GATA6: variants seen among roughly 807,000 people sequenced by gnomAD.
The protein encoded by GATA6 is GATA binding protein 6.
Under a neutral mutation model 48.1 loss-of-function variants are expected in GATA6, and 11 were observed. The ratio of observed to expected loss-of-function variants is 0.23; its 90% CI spans 0.14 to 0.38. The LOEUF is 0.38. Ranked by LOEUF, GATA6 falls within the 10% of genes least tolerant of loss-of-function variation. The pLI, the probability that GATA6 is intolerant of heterozygous loss-of-function variation, is 1.00. For missense variants in GATA6, 795 were observed against 850.3 expected (o/e 0.93, Z 0.81); for synonymous variants, 419 against 396.1 (o/e 1.06, Z -0.69).
At chr18:22,198,089 A>G (rs1439220096) in intron 6 of GATA6, among the ~76,000 whole-genome samples, 1 of 135,190 alleles carries the variant, frequency 7.4e-6, no homozygotes, top group Non-Finnish European at 1.6e-5. Flanking sequence ...TTTTTTTTTA[A>G]TTTTTACTTT....
At chr18:22,195,425 G>A (rs2033378379) in intron 6 of GATA6, among the ~76,000 whole-genome samples, 1 of 152,072 alleles carries the variant, frequency 6.6e-6, no homozygotes, top group South Asian at 2.1e-4. Context: ...TTGTGTTTCT[G>A]GTACTCATGT....
chr18:22,175,569 G>GT (rs1178082289), intron 2 of GATA6: 1 of 152,220 alleles, frequency 6.6e-6, no homozygotes, highest in Non-Finnish European at 1.5e-5. Flanking sequence ...GTGATGTGTT[G>GT]TAAGTTGCAG....
chr18:22,182,427 G>C (rs1320123485), intron 4 of GATA6, among the ~76,000 whole-genome samples: 1 of 150,706 alleles, frequency 6.6e-6, no homozygotes, highest in Non-Finnish European at 1.5e-5. Context: ...GTGCTATCTC[G>C]GCTCACTGCA....
chr18:22,187,763 G>GT (rs150361696), intron 6 of GATA6, among the ~76,000 whole-genome samples: 4 of 151,826 alleles, frequency 2.6e-5, no homozygotes, highest in African/African-American at 9.7e-5. Flanking sequence ...TAGATAAAAA[G>GT]TTTTTTTCTT....
Position 22,172,837 on chromosome 18 carries a change from C to G in GATA6, c.1135+558C>G, listed in dbSNP as rs1288074186. 6.6e-6 allele frequency among the ~76,000 whole-genome samples: 1 copy of G among 152,156 alleles called. No individual in the cohort carries two copies. Among genetic ancestry groups the G allele is most frequent in the Non-Finnish European group, 1.5e-5 (1 of 68,012 alleles). ...AGCACAACAGAAGAACCTAGATGTT[C>G]CTAGGGAAGCTAGTTGGCGTCTCCT... On this transcript the variant is annotated intron_variant, in intron 2 of 6. Coordinates refer to ENST00000269216, the MANE Select transcript of GATA6 (RefSeq NM_005257.6). The surrounding 1 kb of genome is among the most constrained non-coding windows in gnomAD (Gnocchi z 5.2).
At chr18:22,191,410 A>G (rs992287578) in intron 6 of GATA6, among the ~76,000 whole-genome samples, 32 of 151,352 alleles carry the variant, frequency 2.1e-4, no homozygotes, top group Admixed American at 9.9e-4. Flanking sequence ...GTCAGAAAAC[A>G]TGAAATAATG....
At chr18:22,183,086 TC>T in intron 6 of GATA6, 43 bp downstream of exon 6, 1 of 1,435,128 alleles carries the variant, frequency 7.0e-7, no homozygotes, top group Admixed American at 1.7e-5. Flanking sequence ...ACTGGGCTGC[TC>T]TCTAGTAAAT....
At chr18:22,188,147 T>C (rs2033286540) in intron 6 of GATA6, among the ~76,000 whole-genome samples, 1 of 152,222 alleles carries the variant, frequency 6.6e-6, no homozygotes, top group South Asian at 2.1e-4. Flanking sequence ...AATATAATAT[T>C]GAAATCATCA....
intron 6 of GATA6, among the ~76,000 whole-genome samples, chr18:22,197,542 C>T (rs1289980568): frequency 6.6e-6 from 1 of 152,190 alleles, no homozygotes; most frequent in East Asian, 1.9e-4. Context: ...GGCCAGGTGA[C>T]CACCTCTCTT....
chr18:22,187,717 C>T (rs1305016807), intron 6 of GATA6, among the ~76,000 whole-genome samples: 7 of 151,962 alleles, frequency 4.6e-5, no homozygotes, highest in African/African-American at 1.7e-4. Context: ...ATTTGTAAAA[C>T]TGGAGGATAC....
Position 22,172,396 on chromosome 18 carries a change from G to C in GATA6, c.1135+117G>C. 1 of 1,451,680 alleles carries C rather than the reference G, an allele frequency of 6.9e-7. No homozygotes were observed. Among genetic ancestry groups the C allele is most frequent in the Non-Finnish European group, 9.1e-7 (1 of 1,100,272 alleles). 89.9% of individuals were successfully genotyped at this position (1,451,680 alleles called of 1,614,324 possible). A position where few individuals can be genotyped will look rare whatever the true frequency, so the allele number is the denominator to read the frequency against. On this transcript the variant is annotated intron_variant, in intron 2 of 6. Transcript: ENST00000269216. This position sits in a 1 kb window ranked among gnomAD's most constrained non-coding sequence, Gnocchi z 5.2. ...CAGGACTTTCTCGTCCGGGTGCGCG[G>C]AGGTCGGCCTGGTCCCAGGAAGGAT...
At chr18:22,179,030 T>A (rs1598736776) in intron 3 of GATA6, among the ~76,000 whole-genome samples, 1 of 152,334 alleles carries the variant, frequency 6.6e-6, no homozygotes, top group East Asian at 1.9e-4. Context: ...TAGTGCCATT[T>A]GTTTTGTGCA....
In GATA6 at chr18:22,198,448, A is replaced by C. The variant is rs1176418228; in HGVS notation, c.1621-2208A>C. ...TCTTGGCACTTCCCTGCCATTTGAG[A>C]TGGGCTATTTCCTGGGCCAGTTCAG... On this transcript the variant is annotated intron_variant, in intron 6 of 6. Coordinates refer to ENST00000269216, the MANE Select transcript of GATA6 (RefSeq NM_005257.6). Among the ~76,000 whole-genome samples, 6 of 152,270 alleles carry C rather than the reference A, an allele frequency of 3.9e-5. No homozygotes were observed. The East Asian group carries it at 1.2e-3, about 29-fold the overall frequency.
rs746039582 is a variant in GATA6 at position 22,181,607 on chromosome 18, A to G, written c.1428+29A>G. 8 of 1,613,182 alleles carry G rather than the reference A, an allele frequency of 5.0e-6. No individual in the cohort carries two copies. The Admixed American group carries it at 1.3e-4, about 27-fold the overall frequency. On this transcript the variant is annotated intron_variant, in intron 4 of 6. Coordinates refer to ENST00000269216, the MANE Select transcript of GATA6 (RefSeq NM_005257.6). ...TGCCATGTATTCTGCTCACTTGTATATACATTTAGTATCTGGTTTGTATGT... is the reference window on the plus strand; with the variant it reads ...TGCCATGTATTCTGCTCACTTGTATGTACATTTAGTATCTGGTTTGTATGT...
Position 22,182,963 on chromosome 18 carries a change from A to G in GATA6, c.1540A>G (p.Met514Val). 1.2e-6 allele frequency: 2 copies of G among 1,614,070 alleles called. No individual in the cohort carries two copies. The highest frequency in any genetic ancestry group is 1.1e-5 in the South Asian group (1 of 91,084). Residue 514 changes from methionine (M) to valine (V), a missense_variant, in exon 6 of 7, where the codon ATG (methionine) becomes GTG (valine). Met to Val is a conservative substitution (Grantham distance 21). This residue lies in a region of GATA6 where 24 missense variants were observed against 43.6 expected (regional missense o/e 0.55). Coordinates refer to ENST00000269216, the MANE Select transcript of GATA6 (RefSeq NM_005257.6). The stretch of plus-strand genomic sequence containing the variant: ...AGGTAATAGCAATAATTCCATTCCC[A>G]TGACTCCAACTTCCACCTCTTCTAA... ...CSGNSNNSIP[M>V]TPTSTSSNSD...
intron 2 of GATA6, among the ~76,000 whole-genome samples, chr18:22,175,292 T>G (rs1454419256): frequency 3.9e-5 from 6 of 152,120 alleles, no homozygotes; most frequent in Non-Finnish European, 7.3e-5. Flanking sequence ...TTAATTAAAT[T>G]TTGTCTTTGG....
chr18:22,200,629 C>G, intron 6 of GATA6, 27 bp from the exon 7 acceptor site: 1 of 1,614,202 alleles, frequency 6.2e-7, no homozygotes, highest in Non-Finnish European at 8.5e-7. Context: ...CTTCTCGTCT[C>G]TCCTCTGTGT....
chr18:22,171,593 C>A lies in GATA6; in HGVS notation c.449C>A (p.Thr150Asn). ...GAGCAGCCGGAGGAGATGTACCAGA[C>A]CCTCGCCGCTCTCTCCAGCCAGGGT... ...APEQPEEMYQ[T>N]LAALSSQGPA... Residue 150 changes from threonine to asparagine, a missense_variant, in exon 2 of 7, where the codon ACC (threonine) becomes AAC (asparagine). Physicochemically the swap from Thr to Asn is moderately conservative, Grantham distance 65 (BLOSUM62 0). This residue lies in a region of GATA6 where 591 missense variants were observed against 570.0 expected (regional missense o/e 1.04). Transcript: ENST00000269216. The surrounding 1 kb of genome is among the most constrained non-coding windows in gnomAD (Gnocchi z 7.1). The A allele has an allele frequency of 6.2e-7, 1 of 1,602,026 alleles. No individual in the cohort carries two copies. Among genetic ancestry groups the A allele is most frequent in the Non-Finnish European group, 8.5e-7 (1 of 1,179,368 alleles).
chr18:22,183,319 A>G (rs1374115909), intron 6 of GATA6, among the ~76,000 whole-genome samples: 1 of 152,122 alleles, frequency 6.6e-6, no homozygotes, highest in Admixed American at 6.5e-5. Context: ...AGTGTTTTAA[A>G]TTGTTTTATT....
Sources: gnomAD v4.1 joint callset for allele counts (sites outside exome capture counted in the v4.1 genomes callset) on GRCh38, gnomAD v4.1.1 for gene constraint, gnomAD v4.1.1 regional missense constraint, Gnocchi (gnomAD v3.1) non-coding constraint, MANE v1.5 for transcripts, NCBI Gene and HGNC (gene_info 2026-07-23, HGNC 2026-07-21) for gene names.